PDE3B: variants seen among roughly 807,000 people sequenced by gnomAD.
The protein encoded by PDE3B is phosphodiesterase 3B.
PDE3B carries 66 observed loss-of-function variants against 116.8 expected under a neutral mutation model. The ratio of observed to expected loss-of-function variants is 0.56; its 90% CI spans 0.46 to 0.69. The LOEUF is 0.69. Ranked by LOEUF, PDE3B falls within the 30% of genes least tolerant of loss-of-function variation. The pLI, the probability that PDE3B is intolerant of heterozygous loss-of-function variation, is 0.00. For missense variants in PDE3B, 1,384 were observed against 1,368.1 expected (o/e 1.01, Z -0.18); for synonymous variants, 595 against 533.6 (o/e 1.12, Z -1.59).
chr11:14,661,843 C>A (rs1338951617), intron 1 of PDE3B, among the ~76,000 whole-genome samples: 5 of 152,184 alleles, frequency 3.3e-5, no homozygotes, highest in Non-Finnish European at 4.4e-5. Flanking sequence ...TTCAAGGAGG[C>A]CTGCCTGCTT....
chr11:14,857,198 G>C (rs1847867971), intron 12 of PDE3B, among the ~76,000 whole-genome samples: 2 of 152,150 alleles, frequency 1.3e-5, no homozygotes, highest in African/African-American at 4.8e-5. Flanking sequence ...AGAAAAAGCA[G>C]GTAACAAGAT....
At chr11:14,793,634 C>T (rs1297972546) in intron 4 of PDE3B, among the ~76,000 whole-genome samples, 2 of 152,118 alleles carry the variant, frequency 1.3e-5, no homozygotes, top group South Asian at 4.1e-4. Flanking sequence ...GCTCACAGGT[C>T]ACTCTTTTTG....
intron 1 of PDE3B, among the ~76,000 whole-genome samples, chr11:14,675,354 G>T (rs1854502345): frequency 6.6e-6 from 1 of 151,502 alleles, no homozygotes; most frequent in African/African-American, 2.4e-5. Flanking sequence ...TATCAATATT[G>T]TTATTCATTT....
chr11:14,726,566 C>G (rs898034023), intron 1 of PDE3B, among the ~76,000 whole-genome samples: 2 of 152,130 alleles, frequency 1.3e-5, no homozygotes, highest in African/African-American at 4.8e-5. Context: ...AAAAGGGACC[C>G]AGATTCAAGC....
intron 1 of PDE3B, among the ~76,000 whole-genome samples, chr11:14,751,550 G>T (rs943217107): frequency 6.6e-6 from 1 of 152,070 alleles, no homozygotes; most frequent in Non-Finnish European, 1.5e-5. Flanking sequence ...GATATCAGCC[G>T]TATTGTTTTG....
At chr11:14,781,088 C>T (rs967743113) in intron 2 of PDE3B, among the ~76,000 whole-genome samples, 1 of 152,162 alleles carries the variant, frequency 6.6e-6, no homozygotes, top group Admixed American at 6.5e-5. Context: ...TTCCTCGACA[C>T]ATACACCCTC....
Position 14,871,879 on chromosome 11 carries a change from T to C in PDE3B, c.*2219T>C, listed in dbSNP as rs1438837288. On this transcript the variant is annotated 3_prime_UTR_variant, in exon 16 of 16. Coordinates refer to ENST00000282096, the MANE Select transcript of PDE3B (RefSeq NM_000922.4). ...TTACTTGAGAAATTGCCATAAGCCA[T>C]ATTACAGATCTTACTTTGTTACTGA... 1 of 148,972 alleles carries C rather than the reference T, an allele frequency of 6.7e-6. No homozygotes were observed. Among genetic ancestry groups the C allele is most frequent in the Non-Finnish European group, 1.5e-5 (1 of 67,630 alleles). The allele number at this position is 148,972 out of a possible 1,614,324, so 9.2% of individuals were successfully genotyped here. A position where few individuals can be genotyped will look rare whatever the true frequency, so the allele number is the denominator to read the frequency against.
chr11:14,676,677 A>G (rs1854540103), intron 1 of PDE3B, among the ~76,000 whole-genome samples: 1 of 152,132 alleles, frequency 6.6e-6, no homozygotes, highest in Non-Finnish European at 1.5e-5. Flanking sequence ...TCACAATGTC[A>G]TGACAGCTGC....
intron 1 of PDE3B, among the ~76,000 whole-genome samples, chr11:14,661,640 G>C (rs564246014): frequency 9.0e-4 from 137 of 152,274 alleles, no homozygotes; most frequent in African/African-American, 3.2e-3. Flanking sequence ...AAAAAACGGC[G>C]CACCACAAGA....
At chr11:14,699,813 AG>A (rs1240633009) in intron 1 of PDE3B, among the ~76,000 whole-genome samples, 1 of 151,856 alleles carries the variant, frequency 6.6e-6, no homozygotes, top group Non-Finnish European at 1.5e-5. Flanking sequence ...AACCTACAAA[AG>A]AATAATGTTA....
chr11:14,730,095 G>A (rs1163193973), intron 1 of PDE3B, among the ~76,000 whole-genome samples: 1 of 152,096 alleles, frequency 6.6e-6, no homozygotes, highest in Non-Finnish European at 1.5e-5. Flanking sequence ...ACACTCACTT[G>A]CCCCTCACGT....
At position 14,644,238 on chromosome 11, in the gene PDE3B, T is replaced by G; in HGVS notation, c.163T>G (p.Cys55Gly). ...CTTCTTCTTCCACCTCTGCCGCTTC[T>G]GCAACGTGGAGCTGCGGCCGCCGCC... ...RGFFFHLCRF[C>G]NVELRPPPAS... is the part of the protein sequence containing the mutation. The change falls in exon 1 of 16, where the codon TGC becomes GGC. Residue 55 changes from cysteine to glycine, a missense_variant. Physicochemically the swap from Cys to Gly is radical, Grantham distance 159 (BLOSUM62 -3). Around this residue, in one of 2 missense-constraint regions of PDE3B, gnomAD observed 956 missense variants for 806.8 expected, o/e 1.18. Coordinates refer to ENST00000282096, the MANE Select transcript of PDE3B (RefSeq NM_000922.4). 6.3e-7 allele frequency: 1 copy of G among 1,584,320 alleles called. No individual in the cohort carries two copies. The highest frequency in any genetic ancestry group is 8.5e-7 in the Non-Finnish European group (1 of 1,172,464).
At chr11:14,829,363 A>G (rs1031740114) in intron 7 of PDE3B, among the ~76,000 whole-genome samples, 5 of 152,314 alleles carry the variant, frequency 3.3e-5, no homozygotes, top group African/African-American at 1.2e-4. Context: ...ACTCATTTCT[A>G]TAAGTAGTAT....
rs1451675 is a variant in PDE3B, at chr11:14,820,691, C to T, written c.1807+1482C>T. 3.5e-3 allele frequency among the ~76,000 whole-genome samples: 530 copies of T among 152,074 alleles called. 3 individuals carry two copies. The highest frequency in any genetic ancestry group is 7.9e-3 in the South Asian group (38 of 4,814). The stretch of plus-strand genomic sequence containing the variant: ...AGGTAATTAGGTCATGAAGGTGGAT[C>T]CTTCATGAATGGGATTAGTTCCCTT... On this transcript the variant is annotated intron_variant, in intron 7 of 15. Transcript: ENST00000282096.
the PDE3B span, among the ~76,000 whole-genome samples, chr11:14,889,711 C>G: frequency 6.6e-6 from 1 of 152,156 alleles, no homozygotes; most frequent in East Asian, 1.9e-4. Context: ...TACCGAGTGT[C>G]TTTCAGTTCA....
At chr11:14,898,129 A>C in the PDE3B span, among the ~76,000 whole-genome samples, 2 of 151,012 alleles carry the variant, frequency 1.3e-5, no homozygotes, top group African/African-American at 4.9e-5. Flanking sequence ...TCTGGGGAGG[A>C]TATTTCAAGC....
the PDE3B span, among the ~76,000 whole-genome samples, chr11:14,893,642 A>T: frequency 6.6e-6 from 1 of 152,072 alleles, no homozygotes; most frequent in South Asian, 2.1e-4. Context: ...CTTCCTCTTC[A>T]AGGCCATTAA....
chr11:14,855,661 G>GAGAC (rs1847835694), intron 12 of PDE3B, among the ~76,000 whole-genome samples: 1 of 152,210 alleles, frequency 6.6e-6, no homozygotes, highest in South Asian at 2.1e-4. Flanking sequence ...GAGAGAGAGA[G>GAGAC]AGACAGAGAC....
intron 1 of PDE3B, among the ~76,000 whole-genome samples, chr11:14,748,349 C>G (rs963687774): frequency 6.6e-6 from 1 of 152,144 alleles, no homozygotes; most frequent in African/African-American, 2.4e-5. Context: ...AAGCAGCATT[C>G]ATAAATTAAA....
Sources: gnomAD v4.1 joint callset for allele counts (sites outside exome capture counted in the v4.1 genomes callset) on GRCh38, gnomAD v4.1.1 for gene constraint, gnomAD v4.1.1 regional missense constraint, MANE v1.5 for transcripts, NCBI Gene and HGNC (gene_info 2026-07-23, HGNC 2026-07-21) for gene names.